The following LURAP1L variants were observed in gnomAD, a reference collection of about 807,000 sequenced individuals.
LURAP1L encodes the protein leucine rich adaptor protein 1-like.
Under a neutral mutation model 13.8 loss-of-function variants are expected in LURAP1L, and 12 were observed. That is an observed-to-expected ratio of 0.87 (90% CI 0.56 to 1.41). The LOEUF is 1.41. Among genes scored for constraint, LURAP1L ranks in the 40% most tolerant of loss-of-function variants. The probability of loss-of-function intolerance (pLI) is 0.00; values close to 1 mark genes in which losing one functional copy is unlikely to be tolerated. For synonymous variants in LURAP1L, 139 were observed against 119.2 expected (o/e 1.17, Z -1.08); for missense variants, 375 against 292.9 (o/e 1.28, Z -2.04).
chr9:12,778,086 GT>G, intron 1 of LURAP1L, among the ~76,000 whole-genome samples: 1 of 152,242 alleles, frequency 6.6e-6, no homozygotes, highest in East Asian at 1.9e-4. Flanking sequence ...TGTCGCATTT[GT>G]TGTTGTTTTT....
chr9:12,800,794 C>T lies in LURAP1L; in HGVS notation c.313-20592C>T, dbSNP rs536084549. ...AGCATCATGCTTCCTATATAGCCTT[C>T]AGAACCATGAGCTGAACAAAACTCT... On this transcript the variant is annotated intron_variant, in intron 1 of 1. Transcript: ENST00000319264. 2.9e-3 allele frequency among the ~76,000 whole-genome samples: 443 copies of T among 152,308 alleles called. 1 individual carries two copies. The highest frequency in any genetic ancestry group is 5.1e-3 in the Non-Finnish European group (348 of 68,024).
chr9:12,817,085 T>C (rs1819814175), intron 1 of LURAP1L, among the ~76,000 whole-genome samples: 1 of 152,224 alleles, frequency 6.6e-6, no homozygotes, highest in Non-Finnish European at 1.5e-5. Context: ...TTAGAGATAC[T>C]ATCTCATATT....
chr9:12,816,773 G>A (rs905399055), intron 1 of LURAP1L, among the ~76,000 whole-genome samples: 1 of 152,184 alleles, frequency 6.6e-6, no homozygotes, highest in African/African-American at 2.4e-5. Context: ...CCTGAAGCCT[G>A]AGAGACTAAG....
chr9:12,782,682 T>C (rs1420595190), intron 1 of LURAP1L, among the ~76,000 whole-genome samples: 2 of 152,104 alleles, frequency 1.3e-5, no homozygotes, highest in African/African-American at 2.4e-5. Context: ...CTTTTTGCTC[T>C]GGATGACTTT....
chr9:12,819,541 T>A (rs57418392), intron 1 of LURAP1L, among the ~76,000 whole-genome samples: 1 of 152,324 alleles, frequency 6.6e-6, no homozygotes, highest in East Asian at 1.9e-4. Flanking sequence ...CAAGAATGAA[T>A]GTCTGATAAT....
Position 12,821,271 on chromosome 9 carries a change from T to C in LURAP1L, c.313-115T>C, listed in dbSNP as rs762027029. On this transcript the variant is annotated intron_variant, in intron 1 of 1. Coordinates refer to ENST00000319264, the MANE Select transcript of LURAP1L (RefSeq NM_203403.2). Reference sequence around the variant, plus strand: ...AAGTTCCTGACAACCAGTCCACTTATATTTTATTCTGTGAATTTAAAATTC... The same window carrying C: ...AAGTTCCTGACAACCAGTCCACTTACATTTTATTCTGTGAATTTAAAATTC... 7.2e-5 allele frequency: 86 copies of C among 1,201,832 alleles called. 1 individual carries two copies. The Middle Eastern group carries it at 1.8e-3, about 25-fold the overall frequency. The allele number at this position is 1,201,832 out of a possible 1,614,324, so 74.4% of individuals were successfully genotyped here.
At position 12,821,469 on chromosome 9, in the gene LURAP1L, C is replaced by A. The variant is rs569605133; in HGVS notation, c.396C>A (p.Ile132=). ...GCATCGAGTCCATCAAGTGGATGAT[C>A]GAAGAAAAAGCCACCATTACCAGCA... is the stretch of plus-strand genomic sequence containing the variant. The part of the protein sequence containing the change: ...NESIESIKWM[I]EEKATITSRG... Residue 132 remains isoleucine, a synonymous_variant, in exon 2 of 2, where the codon ATC becomes ATA. Transcript: ENST00000319264. 1.9e-5 allele frequency: 31 copies of A among 1,614,020 alleles called. No homozygotes were observed. Among genetic ancestry groups the A allele is most frequent in the Middle Eastern group, 3.3e-4 (2 of 6,062 alleles).
In LURAP1L at chr9:12,799,960, G is replaced by T. The variant is rs543221941; in HGVS notation, c.313-21426G>T. Among the ~76,000 whole-genome samples, 4 of 151,790 alleles carry T rather than the reference G, an allele frequency of 2.6e-5. No homozygotes were observed. In the South Asian group the frequency reaches 8.3e-4, roughly 32 times the overall value. On this transcript the variant is annotated intron_variant, in intron 1 of 1. Coordinates refer to ENST00000319264, the MANE Select transcript of LURAP1L (RefSeq NM_203403.2). ...AATGTTTTGATATACATAGGGAAAT[G>T]GTTACTGGTTACTACAGTCAGATGA...
At chr9:12,800,072 C>A (rs1032592709) in intron 1 of LURAP1L, among the ~76,000 whole-genome samples, 2 of 152,046 alleles carry the variant, frequency 1.3e-5, no homozygotes, top group African/African-American at 2.4e-5. Flanking sequence ...AGTAAATTTT[C>A]AGAATGCAAT....
chr9:12,781,181 G>A (rs1333418597), intron 1 of LURAP1L, among the ~76,000 whole-genome samples: 1 of 152,146 alleles, frequency 6.6e-6, no homozygotes, highest in Non-Finnish European at 1.5e-5. Flanking sequence ...ACGTTGGTCA[G>A]GCTGGTCTGG....
intron 1 of LURAP1L, among the ~76,000 whole-genome samples, chr9:12,788,392 A>C (rs1472906289): frequency 6.6e-6 from 1 of 152,124 alleles, no homozygotes; most frequent in Middle Eastern, 3.2e-3. Flanking sequence ...TTAAACTGAC[A>C]CTATATTTTT....
chr9:12,819,373 T>C (rs553900232), intron 1 of LURAP1L, among the ~76,000 whole-genome samples: 5 of 152,246 alleles, frequency 3.3e-5, no homozygotes, highest in Non-Finnish European at 7.3e-5. Context: ...CAGTTATTAA[T>C]GGAAATTCCA....
rs16929527 is a variant in LURAP1L, at chr9:12,779,634, T to A, written c.312+3607T>A. ...TAATCTTATAGACAAAGCATTGAGGTTTATTGAGCTAATGCTGAAGGTAGT... is the reference window on the plus strand; with the variant it reads ...TAATCTTATAGACAAAGCATTGAGGATTATTGAGCTAATGCTGAAGGTAGT... On this transcript the variant is annotated intron_variant, in intron 1 of 1. Coordinates refer to ENST00000319264, the MANE Select transcript of LURAP1L (RefSeq NM_203403.2). 3.2e-3 allele frequency among the ~76,000 whole-genome samples: 485 copies of A among 152,256 alleles called. 2 individuals carry two copies. Among genetic ancestry groups the A allele is most frequent in the African/African-American group, 0.011 (451 of 41,534 alleles).
intron 1 of LURAP1L, among the ~76,000 whole-genome samples, chr9:12,796,556 G>C (rs1360743451): frequency 2.0e-5 from 3 of 151,736 alleles, no homozygotes; most frequent in African/African-American, 7.3e-5. Flanking sequence ...TTATACTTTT[G>C]TTGTGATATG....
chr9:12,793,623 A>C (rs568096212), intron 1 of LURAP1L, among the ~76,000 whole-genome samples: 26 of 152,228 alleles, frequency 1.7e-4, no homozygotes, highest in Non-Finnish European at 3.1e-4. Context: ...TCGAAGTTGA[A>C]ATCTTATGGG....
chr9:12,796,385 T>C (rs1053513574), intron 1 of LURAP1L, among the ~76,000 whole-genome samples: 8 of 152,026 alleles, frequency 5.3e-5, no homozygotes, highest in African/African-American at 1.9e-4. Flanking sequence ...ATTGTTGAAA[T>C]TATAATTTAT....
At chr9:12,800,297 T>A (rs1819566243) in intron 1 of LURAP1L, among the ~76,000 whole-genome samples, 3 of 152,184 alleles carry the variant, frequency 2.0e-5, no homozygotes, top group Admixed American at 1.3e-4. Flanking sequence ...GTCATGTACA[T>A]AATGTATACC....
intron 1 of LURAP1L, among the ~76,000 whole-genome samples, chr9:12,786,244 A>G (rs568222047): frequency 4.6e-5 from 7 of 152,042 alleles, no homozygotes; most frequent in Middle Eastern, 3.4e-3. Context: ...ATTTTATCTT[A>G]TTCTGTCACT....
At chr9:12,799,011 C>T (rs1000062683) in intron 1 of LURAP1L, among the ~76,000 whole-genome samples, 1 of 152,172 alleles carries the variant, frequency 6.6e-6, no homozygotes, top group African/African-American at 2.4e-5. Flanking sequence ...CAGTCCTAAA[C>T]TGTCATCAGA....
Sources: gnomAD v4.1 joint callset for allele counts (sites outside exome capture counted in the v4.1 genomes callset) on GRCh38, gnomAD v4.1.1 for gene constraint, MANE v1.5 for transcripts, NCBI Gene and HGNC (gene_info 2026-07-23, HGNC 2026-07-21) for gene names.